STPG2: variants seen among roughly 807,000 people sequenced by gnomAD.
STPG2 encodes sperm-tail PG-rich repeat-containing protein 2.
A neutral mutation model predicts 54.2 loss-of-function variants in STPG2; 56 were observed. The ratio of observed to expected loss-of-function variants is 1.03; its 90% CI spans 0.83 to 1.29. The LOEUF is 1.29. Ranked by LOEUF, STPG2 falls within the 50% of genes most tolerant of loss-of-function variation. The pLI is 0.00. For synonymous variants in STPG2, 200 were observed against 181.8 expected, an observed-to-expected ratio of 1.10 and a Z score of -0.81; for missense variants, 596 against 544.9, an observed-to-expected ratio of 1.09 and a Z score of -0.93.
intron 8 of STPG2, among the ~76,000 whole-genome samples, chr4:97,939,162 G>C (rs777052773): frequency 6.6e-6 from 1 of 152,154 alleles, no homozygotes; most frequent in South Asian, 2.1e-4. Context: ...TTGTCACACT[G>C]TGGTCCAAGG....
At chr4:97,777,996 A>G (rs1257873758) in intron 9 of STPG2, among the ~76,000 whole-genome samples, 2 of 152,180 alleles carry the variant, frequency 1.3e-5, no homozygotes, top group Admixed American at 6.5e-5. Context: ...GCGACACAGA[A>G]GACAGGTGAT....
intron 6 of STPG2, among the ~76,000 whole-genome samples, chr4:97,977,326 T>TA (rs1222440911): frequency 2.6e-5 from 4 of 152,236 alleles, no homozygotes; most frequent in Admixed American, 1.3e-4. Context: ...ACCAGCTTTT[T>TA]AAAAAAATGT....
At chr4:97,677,385 G>A (rs1298676915) in intron 10 of STPG2, among the ~76,000 whole-genome samples, 1 of 152,142 alleles carries the variant, frequency 6.6e-6, no homozygotes, top group Non-Finnish European at 1.5e-5. Flanking sequence ...TGACTGGGTT[G>A]TAATAGTCTG....
Position 97,449,750 on chromosome 4 carries a change from T to C in STPG2, c.463-261917A>G, listed in dbSNP as rs188823082. Among the ~76,000 whole-genome samples the C allele has an allele frequency of 1.8e-3, 279 of 152,328 alleles. 1 individual carries two copies. Among genetic ancestry groups the C allele is most frequent in the African/African-American group, 6.4e-3 (266 of 41,590 alleles). ...TGAGAATACTGCATTCTTAGATTTA[T>C]AGTTTTTCATTGACTGTCTTCATGT... On this transcript the variant is annotated intron_variant, in intron 4 of 4. Coordinates refer to the STPG2 transcript ENST00000522676.
intron 7 of STPG2, among the ~76,000 whole-genome samples, chr4:97,958,721 A>G: frequency 6.6e-6 from 1 of 152,228 alleles, no homozygotes; most frequent in East Asian, 1.9e-4. Flanking sequence ...CAAATTTATA[A>G]AACAATTACT....
chr4:97,574,930 A>G (rs1259094916), intron 10 of STPG2, among the ~76,000 whole-genome samples: 1 of 152,026 alleles, frequency 6.6e-6, no homozygotes, highest in African/African-American at 2.4e-5. Context: ...CCAAATAAGG[A>G]CAATCAGAAA....
chr4:97,526,251 T>C (rs912031956), intron 4 of STPG2, among the ~76,000 whole-genome samples: 1 of 152,088 alleles, frequency 6.6e-6, no homozygotes, highest in Non-Finnish European at 1.5e-5. Context: ...TTAGAGTTAG[T>C]TTCTCTAAAG....
chr4:97,867,667 G>A (rs995831176), intron 8 of STPG2, among the ~76,000 whole-genome samples: 18 of 151,934 alleles, frequency 1.2e-4, no homozygotes, highest in African/African-American at 3.4e-4. Flanking sequence ...ACATGACAAC[G>A]GAAAGTTGGC....
intron 10 of STPG2, among the ~76,000 whole-genome samples, chr4:97,615,157 T>C (rs552655466): frequency 6.6e-6 from 1 of 152,292 alleles, no homozygotes; most frequent in South Asian, 2.1e-4. Context: ...CTTGCTTCAA[T>C]TTTAGCAGAA....
At chr4:97,615,040 G>C (rs1350036315) in intron 10 of STPG2, among the ~76,000 whole-genome samples, 1 of 152,014 alleles carries the variant, frequency 6.6e-6, no homozygotes, top group Admixed American at 6.6e-5. Context: ...TTCTCCATTT[G>C]TAAACTGTGG....
chr4:98,105,989 T>G lies in STPG2; in HGVS notation c.576A>C (p.Arg192=). The G allele has an allele frequency of 6.4e-7, 1 of 1,559,636 alleles. No homozygotes were observed. Among genetic ancestry groups the G allele is most frequent in the Non-Finnish European group, 8.8e-7 (1 of 1,137,892 alleles). The part of the protein sequence containing the change: ...QQQNYCSFIP[R]LYEIIVLQEK... The stretch of plus-strand genomic sequence containing the variant: ...CCTGCAATACTATTATTTCATATAG[T>G]CGTGGGATAAATGAACAATAATTTT... Residue 192 remains arginine (R), a synonymous_variant, in exon 5 of 11, where the codon CGA becomes CGC. Coordinates refer to ENST00000295268, the MANE Select transcript of STPG2 (RefSeq NM_174952.3).
At chr4:97,637,248 A>G in intron 10 of STPG2, among the ~76,000 whole-genome samples, 1 of 152,256 alleles carries the variant, frequency 6.6e-6, no homozygotes, top group Non-Finnish European at 1.5e-5. Flanking sequence ...AAACCACATG[A>G]TTATCTCAAT....
chr4:97,985,168 T>C (rs1734791885), intron 5 of STPG2, among the ~76,000 whole-genome samples: 1 of 152,192 alleles, frequency 6.6e-6, no homozygotes, highest in Non-Finnish European at 1.5e-5. Flanking sequence ...TTATCCTAAA[T>C]ACTATCTTAT....
At chr4:98,134,518 A>C in intron 1 of STPG2, 59 bp from the exon 2 acceptor site, 1 of 965,376 alleles carries the variant, frequency 1.0e-6, no homozygotes, top group East Asian at 2.8e-5. Context: ...ATTTCAGAGA[A>C]AAACGCTCAA....
intron 10 of STPG2, among the ~76,000 whole-genome samples, chr4:97,608,991 A>G (rs1324854784): frequency 6.6e-6 from 1 of 152,070 alleles, no homozygotes; most frequent in East Asian, 1.9e-4. Flanking sequence ...AACATTTTTA[A>G]TGGTATGGAT....
chr4:97,523,201 TATA>T (rs1363984510), intron 4 of STPG2, among the ~76,000 whole-genome samples: 1 of 151,882 alleles, frequency 6.6e-6, no homozygotes, highest in African/African-American at 2.4e-5. Context: ...TGCACTACAC[TATA>T]AGAGTGGACC....
At chr4:98,142,893 GTA>G (rs1740338049) in intron 1 of STPG2, 147 bp downstream of exon 1, 2 of 719,742 alleles carry the variant, frequency 2.8e-6, no homozygotes, top group Non-Finnish European at 2.5e-6. Flanking sequence ...TAAAATAAAA[GTA>G]TAGTGTTTTC....
In STPG2 at chr4:98,100,051, A is replaced by C. The variant is rs184236753; in HGVS notation, c.612+5902T>G. Among the ~76,000 whole-genome samples, 343 of 152,296 alleles carry C rather than the reference A, an allele frequency of 2.3e-3. 1 individual carries two copies. Among genetic ancestry groups the C allele is most frequent in the Non-Finnish European group, 3.9e-3 (262 of 68,006 alleles). Reference sequence around the variant, plus strand: ...TGTACCCACAAAAATTTTAAATTAAAAACATAAAAAATGATGATACTATAG... The same window carrying C: ...TGTACCCACAAAAATTTTAAATTAACAACATAAAAAATGATGATACTATAG... On this transcript the variant is annotated intron_variant, in intron 5 of 10. Transcript: ENST00000295268.
chr4:97,887,358 A>G (rs1432016547), intron 8 of STPG2, among the ~76,000 whole-genome samples: 1 of 152,202 alleles, frequency 6.6e-6, no homozygotes, highest in Non-Finnish European at 1.5e-5. Context: ...CAGGTTGACA[A>G]GATCTCAGAT....
Sources: gnomAD v4.1 joint callset for allele counts (sites outside exome capture counted in the v4.1 genomes callset) on GRCh38, gnomAD v4.1.1 for gene constraint, MANE v1.5 for transcripts, NCBI Gene and HGNC (gene_info 2026-07-23, HGNC 2026-07-21) for gene names.